MAF: variants seen among roughly 807,000 people sequenced by gnomAD.
The protein encoded by MAF is transcription factor Maf.
In MAF, 10 loss-of-function variants were observed where a neutral mutation model predicts 22.0. That is an observed-to-expected ratio of 0.45 (90% CI 0.28 to 0.77). The LOEUF is 0.77. Ranked by LOEUF, MAF falls within the 30% of genes least tolerant of loss-of-function variation. MAF has a pLI of 0.12. For synonymous variants in MAF, 337 were observed against 255.8 expected (o/e 1.32, Z -3.03); for missense variants, 544 against 548.4 (o/e 0.99, Z 0.08).
the MAF span, among the ~76,000 whole-genome samples, chr16:79,300,834 G>A: frequency 1.3e-5 from 2 of 151,882 alleles, no homozygotes; most frequent in South Asian, 4.2e-4. Context: ...AGATTATTCA[G>A]AAGTCCATTG....
chr16:79,325,519 T>C, the MAF span, among the ~76,000 whole-genome samples: 1 of 151,894 alleles, frequency 6.6e-6, no homozygotes, highest in Admixed American at 6.6e-5. Flanking sequence ...TGAATGTGGA[T>C]GGGCTGTCTC....
the MAF span, among the ~76,000 whole-genome samples, chr16:79,350,866 AGTGTGTGTGT>A: frequency 1.9e-3 from 280 of 148,506 alleles, no homozygotes; most frequent in African/African-American, 4.4e-3. Context: ...AACAGTGAGA[AGTGTGTGTGT>A]GTGTGTGTGT....
chr16:79,569,089 A>G, the MAF span, among the ~76,000 whole-genome samples: 39 of 151,984 alleles, frequency 2.6e-4, no homozygotes, highest in South Asian at 8.3e-4. Context: ...ACAATCTAGA[A>G]AGACAGGTCT....
the MAF span, among the ~76,000 whole-genome samples, chr16:79,417,496 G>A: frequency 2.0e-5 from 3 of 152,146 alleles, no homozygotes; most frequent in African/African-American, 7.2e-5. Flanking sequence ...TTGGATGTGC[G>A]ATGTTATTAT....
At chr16:79,439,355 G>A in the MAF span, among the ~76,000 whole-genome samples, 490 of 148,246 alleles carry the variant, frequency 3.3e-3, 5 homozygotes, top group African/African-American at 0.011. Flanking sequence ...TCTGCCTCCC[G>A]GGTTCATGCC....
At chr16:79,419,655 C>T in the MAF span, among the ~76,000 whole-genome samples, 1 of 152,136 alleles carries the variant, frequency 6.6e-6, no homozygotes, top group Admixed American at 6.5e-5. Context: ...TGAGAACAGC[C>T]CCACTCAGAT....
At chr16:79,565,847 T>C in the MAF span, among the ~76,000 whole-genome samples, 22 of 152,208 alleles carry the variant, frequency 1.4e-4, no homozygotes, top group African/African-American at 5.3e-4. Flanking sequence ...TTCTGAAATA[T>C]TCCGAGGTAG....
At chr16:79,374,374 C>G in the MAF span, among the ~76,000 whole-genome samples, 1 of 152,144 alleles carries the variant, frequency 6.6e-6, no homozygotes, top group Non-Finnish European at 1.5e-5. Context: ...AATTTTCCTC[C>G]CAACCTCTCT....
the MAF span, among the ~76,000 whole-genome samples, chr16:79,444,541 A>G: frequency 6.6e-6 from 1 of 152,196 alleles, no homozygotes; most frequent in Non-Finnish European, 1.5e-5. Context: ...TTAAAGGGCC[A>G]TACTGAGAAT....
chr16:79,247,064 G>C, the MAF span, among the ~76,000 whole-genome samples: 1 of 152,228 alleles, frequency 6.6e-6, no homozygotes, highest in African/African-American at 2.4e-5. Context: ...CTGTGATAGA[G>C]TATAATGGGC....
the MAF span, among the ~76,000 whole-genome samples, chr16:79,421,438 C>T: frequency 6.6e-6 from 1 of 152,188 alleles, no homozygotes; most frequent in Non-Finnish European, 1.5e-5. Context: ...ATAGTTTTGG[C>T]TTTTCCACAA....
the MAF span, among the ~76,000 whole-genome samples, chr16:79,331,676 G>C: frequency 2.6e-5 from 4 of 152,162 alleles, no homozygotes; most frequent in Non-Finnish European, 5.9e-5. Context: ...GGCACAGCAT[G>C]GGTCTCCAGC....
the MAF span, among the ~76,000 whole-genome samples, chr16:79,309,410 C>G: frequency 6.6e-6 from 1 of 152,200 alleles, no homozygotes; most frequent in African/African-American, 2.4e-5. Flanking sequence ...CTGCTTTTCT[C>G]ATACCCCACT....
chr16:79,532,940 G>C, the MAF span, among the ~76,000 whole-genome samples: 1 of 152,196 alleles, frequency 6.6e-6, no homozygotes, highest in Non-Finnish European at 1.5e-5. Flanking sequence ...GCTGCAAGCT[G>C]GCCTTGGGTC....
At chr16:79,583,789 G>C (rs1912673012), downstream of MAF, among the ~76,000 whole-genome samples, 1 of 151,660 alleles carries the variant, frequency 6.6e-6, no homozygotes, top group Non-Finnish European at 1.5e-5. Flanking sequence ...TCATCATCAT[G>C]TGTTTCCCTG....
chr16:79,207,869 T>G, the MAF span, among the ~76,000 whole-genome samples: 2 of 152,224 alleles, frequency 1.3e-5, no homozygotes, highest in Non-Finnish European at 2.9e-5. Context: ...ATTTGTATTC[T>G]GTGCTGACAA....
the MAF span, among the ~76,000 whole-genome samples, chr16:79,569,931 A>G: frequency 6.6e-6 from 1 of 151,452 alleles, no homozygotes; most frequent in African/African-American, 2.4e-5. Context: ...TCCGGGAGGG[A>G]TGCAGCAAAG....
chr16:79,595,178 G>T, intron 1 of MAF: 1 of 1,039,728 alleles, frequency 9.6e-7, no homozygotes, highest in Non-Finnish European at 1.2e-6. Flanking sequence ...TTGACTTCAA[G>T]CTCATGAGGG....
At chr16:79,490,469 A>C in the MAF span, among the ~76,000 whole-genome samples, 1 of 152,234 alleles carries the variant, frequency 6.6e-6, no homozygotes, top group Non-Finnish European at 1.5e-5. Flanking sequence ...GGTTTTAATT[A>C]GATAAATAAA....
Sources: gnomAD v4.1 joint callset for allele counts (sites outside exome capture counted in the v4.1 genomes callset) on GRCh38, gnomAD v4.1.1 for gene constraint, MANE v1.5 for transcripts, NCBI Gene and HGNC (gene_info 2026-07-23, HGNC 2026-07-21) for gene names.